The following FECH variants were observed in gnomAD, a reference collection of about 807,000 sequenced individuals.
FECH encodes ferrochelatase, mitochondrial.
Under a neutral mutation model 56.9 loss-of-function variants are expected in FECH, and 40 were observed. The observed-to-expected ratio is 0.70, with a 90% CI of 0.55 to 0.92. FECH has a LOEUF of 0.92. Among genes scored for constraint, FECH ranks in the 40% least tolerant of loss-of-function variants. The pLI is 0.00. For missense variants in FECH, 431 were observed against 529.1 expected (o/e 0.81, Z 1.82); for synonymous variants, 175 against 198.6 (o/e 0.88, Z 1.00).
At position 57,557,408 on chromosome 18, in the gene FECH, G is replaced by A. The variant is rs73453647; in HGVS notation, c.804+1737C>T. Among the ~76,000 whole-genome samples the A allele has an allele frequency of 4.2e-3, 643 of 152,324 alleles. 3 individuals carry two copies. Among genetic ancestry groups the A allele is most frequent in the African/African-American group, 0.014 (599 of 41,584 alleles). On this transcript the variant is annotated intron_variant, in intron 7 of 10. Transcript: ENST00000262093. ...TTCCCGGTCCCACAAGGACGCTCCA[G>A]CAGCCAAACCTGGAAGCAGCGTGCT...
chr18:57,570,296 T>A (rs926504588), intron 4 of FECH, among the ~76,000 whole-genome samples: 2 of 152,208 alleles, frequency 1.3e-5, no homozygotes, highest in East Asian at 3.8e-4. Flanking sequence ...CACTGTGGCA[T>A]GCACGGAGGA....
intron 2 of FECH, among the ~76,000 whole-genome samples, chr18:57,577,238 C>T (rs919536748): frequency 1.3e-5 from 2 of 152,202 alleles, no homozygotes; most frequent in Non-Finnish European, 2.9e-5. Context: ...AATCTGTATA[C>T]ACACATACAC....
rs778698440 is a variant in FECH at position 57,548,474 on chromosome 18, T to G, written c.*2238A>C. On this transcript the variant is annotated 3_prime_UTR_variant, in exon 11 of 11. Coordinates refer to ENST00000262093, the MANE Select transcript of FECH (RefSeq NM_000140.5). ...TGCAAAAGTTTCTGTAGAAGTTGAT[T>G]CATCAATTAAAAGCCAGATCCGTAT... 1 of 152,208 alleles carries G rather than the reference T, an allele frequency of 6.6e-6. No individual in the cohort carries two copies. The highest frequency in any genetic ancestry group is 1.5e-5 in the Non-Finnish European group (1 of 68,030). 9.4% of individuals were successfully genotyped at this position (152,208 alleles called of 1,614,324 possible). A position where few individuals can be genotyped will look rare whatever the true frequency, so the allele number is the denominator to read the frequency against.
In FECH at chr18:57,546,315, C is replaced by T. The variant is rs142413183; in HGVS notation, c.*4397G>A. ...CTGCCAGCTTTAAATTCTGCCTTCC[C>T]GCTGTCGTTGGGCAAGGTGGTCCTT... On this transcript the variant is annotated 3_prime_UTR_variant, in exon 11 of 11. Coordinates refer to ENST00000262093, the MANE Select transcript of FECH (RefSeq NM_000140.5). 1.4e-4 allele frequency among the ~76,000 whole-genome samples: 21 copies of T among 152,278 alleles called. No individual in the cohort carries two copies. In the East Asian group the frequency reaches 2.9e-3, roughly 21 times the overall value.
intron 2 of FECH, among the ~76,000 whole-genome samples, chr18:57,579,071 AT>A (rs1451362986): frequency 6.6e-6 from 1 of 151,884 alleles, no homozygotes; most frequent in East Asian, 1.9e-4. Flanking sequence ...AACATAGTGA[AT>A]TCCCGTCTCT....
At chr18:57,575,347 A>G (rs769509654) in intron 2 of FECH, among the ~76,000 whole-genome samples, 6 of 152,196 alleles carry the variant, frequency 3.9e-5, no homozygotes, top group Non-Finnish European at 8.8e-5. Flanking sequence ...ACCTCTGACC[A>G]CTGCAGTGAC....
chr18:57,579,260 G>GATATATATATATATGTGTGTAT (rs1409561858), intron 2 of FECH, among the ~76,000 whole-genome samples: 78 of 63,974 alleles, frequency 1.2e-3, no homozygotes, highest in African/African-American at 5.0e-3. Flanking sequence ...AAAAAAAAAA[G>GATATATATATATATGTGTGTAT]ATATATATAT....
chr18:57,570,148 C>T (rs997760669), intron 4 of FECH, among the ~76,000 whole-genome samples: 23 of 151,826 alleles, frequency 1.5e-4, no homozygotes, highest in African/African-American at 5.6e-4. Flanking sequence ...CCTGCCTTGG[C>T]CTCCCAAAGT....
At chr18:57,562,500 A>C (rs1353398141) in intron 6 of FECH, among the ~76,000 whole-genome samples, 1 of 152,196 alleles carries the variant, frequency 6.6e-6, no homozygotes. Context: ...TTGACATTTT[A>C]AAGGATTTAG....
chr18:57,584,208 C>T (rs2051331289), intron 1 of FECH, among the ~76,000 whole-genome samples: 1 of 148,934 alleles, frequency 6.7e-6, no homozygotes, highest in Non-Finnish European at 1.5e-5. Flanking sequence ...AACAAAACTT[C>T]ATAACTCCTG....
chr18:57,571,641 A>G, intron 3 of FECH, 101 bp from the exon 4 acceptor site: 1 of 1,558,722 alleles, frequency 6.4e-7, no homozygotes, highest in Non-Finnish European at 8.8e-7. Flanking sequence ...AATTTTAGAG[A>G]GCCTAACAAG....
chr18:57,563,118 A>G (rs368577507), intron 5 of FECH, 138 bp from the exon 6 acceptor site: 29 of 713,676 alleles, frequency 4.1e-5, no homozygotes, highest in South Asian at 2.3e-4. Flanking sequence ...AATCATTTCA[A>G]TACTCTAAAA....
chr18:57,554,507 G>C, intron 8 of FECH, 83 bp from the exon 9 acceptor site: 1 of 1,426,584 alleles, frequency 7.0e-7, no homozygotes, highest in Non-Finnish European at 9.9e-7. Flanking sequence ...CTGGGCACAC[G>C]CACTGCCCAC....
chr18:57,554,873 T>C lies in FECH; in HGVS notation c.884A>G (p.Asn295Ser). ...GGATTGCCACACCAGTCGGTAGGGG[T>C]TGCAGTACTCCAGCCTTTCCATGAC... ...QKVMERLEYC[N>S]PYRLVWQSKV... is the part of the protein sequence containing the mutation. The change falls in exon 8 of 11, where the codon AAC becomes AGC. Residue 295 changes from asparagine to serine, a missense_variant. By Grantham distance (46) the Asn-to-Ser change is conservative. Coordinates refer to ENST00000262093, the MANE Select transcript of FECH (RefSeq NM_000140.5). 1 of 1,614,040 alleles carries C rather than the reference T, an allele frequency of 6.2e-7. No individual in the cohort carries two copies. The highest frequency in any genetic ancestry group is 8.5e-7 in the Non-Finnish European group (1 of 1,179,984).
At chr18:57,579,156 G>A (rs1320225214) in intron 2 of FECH, among the ~76,000 whole-genome samples, 1 of 151,314 alleles carries the variant, frequency 6.6e-6, no homozygotes, top group Admixed American at 6.6e-5. Context: ...GCTGAGACAT[G>A]AGAATTGCTT....
chr18:57,550,901 G>A, intron 10 of FECH, 55 bp from the exon 11 acceptor site: 2 of 1,609,558 alleles, frequency 1.2e-6, no homozygotes, highest in Non-Finnish European at 1.7e-6. Flanking sequence ...CTGCTCGTCT[G>A]CCATGCCCCC....
chr18:57,579,920 A>G, intron 2 of FECH, 153 bp downstream of exon 2: 2 of 1,005,150 alleles, frequency 2.0e-6, no homozygotes, highest in Non-Finnish European at 3.1e-6. Flanking sequence ...AGGGTGTAAA[A>G]TCTATGGTTT....
rs917863076 is a variant in FECH at position 57,556,157 on chromosome 18, A to C, written c.805-1205T>G. 2.0e-5 allele frequency among the ~76,000 whole-genome samples: 3 copies of C among 152,118 alleles called. No individual in the cohort carries two copies. In the East Asian group the frequency reaches 5.8e-4, roughly 29 times the overall value. On this transcript the variant is annotated intron_variant, in intron 7 of 10. Coordinates refer to ENST00000262093, the MANE Select transcript of FECH (RefSeq NM_000140.5). Reference sequence around the variant, plus strand: ...AACAAAAAATTATATATATATACTGACAAATTATTTTATGATTATTACTAC... The same window carrying C: ...AACAAAAAATTATATATATATACTGCCAAATTATTTTATGATTATTACTAC...
chr18:57,555,258 A>G (rs568877670), intron 7 of FECH, among the ~76,000 whole-genome samples: 2 of 152,332 alleles, frequency 1.3e-5, no homozygotes, highest in African/African-American at 4.8e-5. Flanking sequence ...TCCCTCATCC[A>G]ATAGATGAAG....
Sources: allele counts gnomAD v4.1 joint callset (sites outside exome capture counted in the v4.1 genomes callset), GRCh38; gene constraint gnomAD v4.1.1; transcripts MANE v1.5; gene names NCBI Gene and HGNC (gene_info 2026-07-23, HGNC 2026-07-21).